Variants in ACTL8 observed in about 807,000 individuals in gnomAD.
ACTL8 encodes the protein actin-like protein 8.
ACTL8 carries 3 observed loss-of-function variants against 9.3 expected under a neutral mutation model. The ratio of observed to expected loss-of-function variants is 0.32; its 90% CI spans 0.15 to 0.83. The LOEUF (loss-of-function observed/expected upper bound fraction) is 0.83. ACTL8 is among the 40% of genes least tolerant of loss of function. The pLI, the probability that ACTL8 is intolerant of heterozygous loss-of-function variation, is 0.57. For missense variants in ACTL8, 381 were observed against 492.2 expected (o/e 0.77, Z 2.14); for synonymous variants, 224 against 205.9 (o/e 1.09, Z -0.75).
At chr1:17,783,403 G>A (rs1441258533) in intron 1 of ACTL8, among the ~76,000 whole-genome samples, 1 of 150,298 alleles carries the variant, frequency 6.7e-6, no homozygotes, top group Non-Finnish European at 1.5e-5. Flanking sequence ...CTAGTCCCAT[G>A]TGTCGGATGA....
rs749150517 is a variant in ACTL8 at position 17,823,075 on chromosome 1, A to G, written c.67A>G (p.Asn23Asp). Residue 23 changes from asparagine to aspartate, a missense_variant, in exon 2 of 3, where the codon AAT (asparagine) becomes GAT (aspartate). Physicochemically the swap from Asn to Asp is conservative, Grantham distance 23. Around this residue, in one of 3 missense-constraint regions of ACTL8, gnomAD observed 125 missense variants for 180.7 expected, o/e 0.69. Transcript: ENST00000375406. The surrounding 1 kb of genome is among the most constrained non-coding windows in gnomAD (Gnocchi z 5.3). The part of the protein sequence containing the change: ...GFLKAGTAGW[N>D]EPQMVFPNIV... ...TTTGAAGGCTGGCACGGCCGGCTGG[A>G]ATGAGCCTCAGATGGTCTTCCCGAA... 2 of 1,614,052 alleles carry G rather than the reference A, an allele frequency of 1.2e-6. No individual in the cohort carries two copies. The highest frequency in any genetic ancestry group is 1.7e-6 in the Non-Finnish European group (2 of 1,180,038).
chr1:17,807,216 A>C (rs1168056722), intron 1 of ACTL8, among the ~76,000 whole-genome samples: 2 of 152,218 alleles, frequency 1.3e-5, no homozygotes, highest in Admixed American at 6.5e-5. Flanking sequence ...CGCAGTCTTC[A>C]TTCCCCTTGG....
chr1:17,805,389 T>G (rs1239512142), intron 1 of ACTL8, among the ~76,000 whole-genome samples: 2 of 141,234 alleles, frequency 1.4e-5, no homozygotes, highest in Non-Finnish European at 3.1e-5. Flanking sequence ...TTTTTTTTTT[T>G]TTTTTTTTTT....
In ACTL8 at chr1:17,826,686, G is replaced by A. The variant is rs1246168379; in HGVS notation, c.*167G>A. The A allele has an allele frequency of 3.1e-6, 2 of 645,222 alleles. No individual in the cohort carries two copies. The highest frequency in any genetic ancestry group is 1.8e-5 in the African/African-American group (1 of 55,266). The allele number at this position is 645,222 out of a possible 1,614,324, so 40.0% of individuals were successfully genotyped here. A position where few individuals can be genotyped will look rare whatever the true frequency, so the allele number is the denominator to read the frequency against. ...TTAGGTTCTAAGGTTTTATCTTGTT[G>A]CAAGAGTGGGACCTACCCAAGGGGG... On this transcript the variant is annotated 3_prime_UTR_variant, in exon 3 of 3. Transcript: ENST00000375406. The surrounding 1 kb of genome is among the most constrained non-coding windows in gnomAD (Gnocchi z 4.5).
intron 1 of ACTL8, among the ~76,000 whole-genome samples, chr1:17,799,496 A>G (rs1390167958): frequency 6.7e-6 from 1 of 149,512 alleles, no homozygotes; most frequent in Non-Finnish European, 1.5e-5. Context: ...AGTTCGTTCC[A>G]TGTCATTTTT....
chr1:17,820,501 G>A (rs181981342), intron 1 of ACTL8, among the ~76,000 whole-genome samples: 10 of 151,858 alleles, frequency 6.6e-5, no homozygotes, highest in Non-Finnish European at 1.5e-4. Flanking sequence ...GTGAACGTAC[G>A]TTTTCATTTC....
intron 1 of ACTL8, among the ~76,000 whole-genome samples, chr1:17,789,459 T>TTAA (rs978312127): frequency 2.0e-5 from 3 of 152,162 alleles, no homozygotes; most frequent in African/African-American, 7.2e-5. Context: ...TTTTGCCTAT[T>TTAA]TACCTTTTTC....
intron 1 of ACTL8, among the ~76,000 whole-genome samples, chr1:17,800,396 A>G (rs1175723087): frequency 6.6e-6 from 1 of 152,054 alleles, no homozygotes; most frequent in Non-Finnish European, 1.5e-5. Flanking sequence ...GTCACTTTGA[A>G]CGTGTTCAGA....
chr1:17,824,743 A>G (rs997865886), intron 2 of ACTL8, among the ~76,000 whole-genome samples: 2 of 152,314 alleles, frequency 1.3e-5, no homozygotes, highest in African/African-American at 2.4e-5. Flanking sequence ...CTTACTGTCT[A>G]TCCCTTTACA....
At chr1:17,789,750 C>G (rs1313823541) in intron 1 of ACTL8, among the ~76,000 whole-genome samples, 2 of 152,084 alleles carry the variant, frequency 1.3e-5, no homozygotes, top group Non-Finnish European at 2.9e-5. Context: ...GCTGTTTGTG[C>G]CTAGAGGTGG....
At chr1:17,773,584 C>T (rs1054720152) in intron 1 of ACTL8, among the ~76,000 whole-genome samples, 13 of 152,126 alleles carry the variant, frequency 8.5e-5, no homozygotes, top group African/African-American at 1.7e-4. Flanking sequence ...CCAGAGTGCC[C>T]GGTTCTGTCC....
chr1:17,763,936 A>G (rs768469439), intron 1 of ACTL8, among the ~76,000 whole-genome samples: 4 of 152,108 alleles, frequency 2.6e-5, no homozygotes, highest in African/African-American at 7.2e-5. Context: ...TCAGCTTCCC[A>G]TTTACTAAAT....
intron 1 of ACTL8, among the ~76,000 whole-genome samples, chr1:17,802,177 G>A (rs997826032): frequency 5.9e-5 from 9 of 152,136 alleles, no homozygotes; most frequent in Non-Finnish European, 7.3e-5. Context: ...TTCTCTTACC[G>A]AAGTGCTTTT....
intron 1 of ACTL8, among the ~76,000 whole-genome samples, chr1:17,812,542 G>T (rs977570815): frequency 1.4e-5 from 2 of 146,872 alleles, no homozygotes; most frequent in Admixed American, 1.4e-4. Flanking sequence ...CAATTCTCCT[G>T]CCTCAGCCTC....
At chr1:17,815,675 T>C (rs1426378311) in intron 1 of ACTL8, among the ~76,000 whole-genome samples, 1 of 152,222 alleles carries the variant, frequency 6.6e-6, no homozygotes, top group Non-Finnish European at 1.5e-5. Flanking sequence ...TGGGGTGTGC[T>C]GAGCTTCCTG....
Position 17,826,742 on chromosome 1 carries a change from A to G in ACTL8, c.*223A>G. 1 of 415,398 alleles carries G rather than the reference A, an allele frequency of 2.4e-6. No homozygotes were observed. The highest frequency in any genetic ancestry group is 4.2e-6 in the Non-Finnish European group (1 of 240,616). The allele number at this position is 415,398 out of a possible 1,614,324, so 25.7% of individuals were successfully genotyped here. ...AAGATGTCATCCTTGGAAACCCTGCAGGGGACAGTTTTTCCAGGGTGGCCT... is the reference window on the plus strand; with the variant it reads ...AAGATGTCATCCTTGGAAACCCTGCGGGGGACAGTTTTTCCAGGGTGGCCT... On this transcript the variant is annotated 3_prime_UTR_variant, in exon 3 of 3. Coordinates refer to ENST00000375406, the MANE Select transcript of ACTL8 (RefSeq NM_030812.3). This position sits in a 1 kb window ranked among gnomAD's most constrained non-coding sequence, Gnocchi z 4.5.
intron 1 of ACTL8, among the ~76,000 whole-genome samples, chr1:17,784,056 T>C (rs1011536963): frequency 2.6e-5 from 4 of 152,206 alleles, no homozygotes; most frequent in South Asian, 4.1e-4. Context: ...CATACTGATA[T>C]AAAGAACTAC....
intron 1 of ACTL8, among the ~76,000 whole-genome samples, chr1:17,784,200 C>T (rs991612506): frequency 6.6e-6 from 1 of 152,214 alleles, no homozygotes; most frequent in African/African-American, 2.4e-5. Context: ...CAAGCATCTT[C>T]TTAACATGGT....
chr1:17,786,443 C>T (rs2066197444), intron 1 of ACTL8, among the ~76,000 whole-genome samples: 1 of 152,148 alleles, frequency 6.6e-6, no homozygotes, highest in Non-Finnish European at 1.5e-5. Context: ...GCATTTTGAC[C>T]ATCAGATGTC....
Sources: allele counts gnomAD v4.1 joint callset (sites outside exome capture counted in the v4.1 genomes callset), GRCh38; gene constraint gnomAD v4.1.1; regional missense constraint gnomAD v4.1.1; non-coding constraint Gnocchi (gnomAD v3.1); transcripts MANE v1.5; gene names NCBI Gene and HGNC (gene_info 2026-07-23, HGNC 2026-07-21).